GIMAP6: variants seen among roughly 807,000 people sequenced by gnomAD.
GIMAP6 encodes the protein GTPase, IMAP family member 6.
GIMAP6 carries 6 observed loss-of-function variants against 9.3 expected under a neutral mutation model. The observed-to-expected ratio is 0.65, with a 90% CI of 0.35 to 1.27. The LOEUF (loss-of-function observed/expected upper bound fraction) is 1.27, where lower values mean the gene tolerates loss of function less well. Among genes scored for constraint, GIMAP6 ranks in the 50% most tolerant of loss-of-function variants. The pLI is 0.03. For synonymous variants in GIMAP6, 156 were observed against 151.1 expected (o/e 1.03, Z -0.24); for missense variants, 333 against 359.5 (o/e 0.93, Z 0.60).
intron 1 of GIMAP6, 102 bp downstream of exon 1, chr7:150,632,063 TCACA>T (rs1313956906): frequency 1.3e-5 from 2 of 151,352 alleles, no homozygotes; most frequent in East Asian, 1.9e-4. Flanking sequence ...CAAACATCAC[TCACA>T]CACATTCATG....
Position 150,628,260 on chromosome 7 carries a change from C to T in GIMAP6, c.338G>A (p.Cys113Tyr), listed in dbSNP as rs1476113538. 1.2e-6 allele frequency: 2 copies of T among 1,614,094 alleles called. No homozygotes were observed. Among genetic ancestry groups the T allele is most frequent in the South Asian group, 2.2e-5 (2 of 91,064 alleles). ...QVSPEVADAICQAIVLSAPGP... is the reference protein window; with the variant it reads ...QVSPEVADAIYQAIVLSAPGP... ...TGGGGCGGATAAGACGATGGCTTGG[C>T]AGATAGCGTCTGCCACCTCTGGCGA... Residue 113 changes from cysteine (C) to tyrosine (Y), a missense_variant, in exon 3 of 3, where the codon TGC (cysteine) becomes TAC (tyrosine). Coordinates refer to ENST00000328902, the MANE Select transcript of GIMAP6 (RefSeq NM_024711.6).
At position 150,626,523 on chromosome 7, in the gene GIMAP6, T is replaced by G. The variant is rs1280872243; in HGVS notation, c.*1196A>C. The G allele has an allele frequency of 6.6e-6, 1 of 152,174 alleles. No homozygotes were observed. Among genetic ancestry groups the G allele is most frequent in the Non-Finnish European group, 1.5e-5 (1 of 68,028 alleles). The allele number at this position is 152,174 out of a possible 1,614,324, so 9.4% of individuals were successfully genotyped here. ...TGAGACAGGATGACATCCTACTCCC[T>G]TCTCATCCTGTCCAGTATCAGTACT... is the stretch of plus-strand genomic sequence containing the variant. On this transcript the variant is annotated 3_prime_UTR_variant, in exon 3 of 3. Coordinates refer to ENST00000328902, the MANE Select transcript of GIMAP6 (RefSeq NM_024711.6).
chr7:150,631,428 A>T (rs1796390097), intron 1 of GIMAP6, among the ~76,000 whole-genome samples: 1 of 152,190 alleles, frequency 6.6e-6, no homozygotes, highest in Admixed American at 6.5e-5. Context: ...TACCAAAGGG[A>T]GTTAGTTCTT....
In GIMAP6 at chr7:150,625,421, G is replaced by C. The variant is rs1796276783; in HGVS notation, c.*2298C>G. 1 of 152,206 alleles carries C rather than the reference G, an allele frequency of 6.6e-6. No homozygotes were observed. Among genetic ancestry groups the C allele is most frequent in the South Asian group, 2.1e-4 (1 of 4,826 alleles). 9.4% of individuals were successfully genotyped at this position (152,206 alleles called of 1,614,324 possible). On this transcript the variant is annotated 3_prime_UTR_variant, in exon 3 of 3. Transcript: ENST00000328902. ...ATTTAATGAATGACATGTTTTGAGT[G>C]CCTTGCCAGTTAGTCGCTGAATGGA...
Position 150,628,039 on chromosome 7 carries a change from A to C in GIMAP6, c.559T>G (p.Trp187Gly). 1 of 1,614,210 alleles carries C rather than the reference A, an allele frequency of 6.2e-7. No homozygotes were observed. Among genetic ancestry groups the C allele is most frequent in the Non-Finnish European group, 8.5e-7 (1 of 1,180,028 alleles). ...CGCCGTGCAAGGGTCACATCCAGCC[A>C]GGCAAGGGCCTGGTTGTTGGTCTCT... ...VRETNNQALAWLDVTLARRHC... is the reference protein window; with the variant it reads ...VRETNNQALAGLDVTLARRHC... The change falls in exon 3 of 3, where the codon TGG (tryptophan) becomes GGG (glycine). Residue 187 changes from tryptophan to glycine, a missense_variant. Transcript: ENST00000328902.
At position 150,627,160 on chromosome 7, in the gene GIMAP6, C is replaced by G. The variant is rs920748058; in HGVS notation, c.*559G>C. The G allele has an allele frequency of 2.5e-5, 4 of 160,880 alleles. No individual in the cohort carries two copies. Among genetic ancestry groups the G allele is most frequent in the African/African-American group, 9.6e-5 (4 of 41,538 alleles). 10.0% of individuals were successfully genotyped at this position (160,880 alleles called of 1,614,324 possible). A position where few individuals can be genotyped will look rare whatever the true frequency, so the allele number is the denominator to read the frequency against. On this transcript the variant is annotated 3_prime_UTR_variant, in exon 3 of 3. Coordinates refer to ENST00000328902, the MANE Select transcript of GIMAP6 (RefSeq NM_024711.6). ...ATCCCTGTTCCTGCTTGCTCTCCTC[C>G]CAGCCCAGTCTCCAACCCTCCCCAC...
Position 150,625,860 on chromosome 7 carries a change from C to T in GIMAP6, c.*1859G>A, listed in dbSNP as rs1344681730. 2.0e-5 allele frequency: 3 copies of T among 152,110 alleles called. No homozygotes were observed. The highest frequency in any genetic ancestry group is 2.9e-5 in the Non-Finnish European group (2 of 68,018). 9.4% of individuals were successfully genotyped at this position (152,110 alleles called of 1,614,324 possible). On this transcript the variant is annotated 3_prime_UTR_variant, in exon 3 of 3. Coordinates refer to ENST00000328902, the MANE Select transcript of GIMAP6 (RefSeq NM_024711.6). ...TAATCAAATCAATATTTTATTCATACAGGAGTAGAAAAGTAGAAGACATGA... is the reference window on the plus strand; with the variant it reads ...TAATCAAATCAATATTTTATTCATATAGGAGTAGAAAAGTAGAAGACATGA...
In GIMAP6 at chr7:150,627,762, G is replaced by T; in HGVS notation, c.836C>A (p.Ser279Tyr). 6.2e-7 allele frequency: 1 copy of T among 1,614,130 alleles called. No individual in the cohort carries two copies. Among genetic ancestry groups the T allele is most frequent in the Non-Finnish European group, 8.5e-7 (1 of 1,179,982 alleles). ...LEGLSQIQKE[S>Y]EEAHRCLLGK... ...CAGCAGGCATCTGTGGGCTTCCTCA[G>T]ATTCCTTCTGGATCTGGGACAGTCC... The change falls in exon 3 of 3, where the codon TCT (serine) becomes TAT (tyrosine). Residue 279 changes from serine to tyrosine, a missense_variant. By Grantham distance (144) the Ser-to-Tyr change is moderately radical. Coordinates refer to ENST00000328902, the MANE Select transcript of GIMAP6 (RefSeq NM_024711.6).
In GIMAP6 at chr7:150,628,480, TC is replaced by T; in HGVS notation, c.117del (p.Arg40AspfsTer2). On this transcript the variant is annotated frameshift_variant, in exon 3 of 3. Coordinates refer to ENST00000328902, the MANE Select transcript of GIMAP6 (RefSeq NM_024711.6). LOFTEE classifies it high-confidence loss of function. ...GLREKEQKTP[R>X]RLRLILMGKT... ...TTCCCCATGAGAATGAGCCTCAGTC[TC>T]CTTGGGGTCTTCTGTTCTTTCTCCC... 6.2e-7 allele frequency: 1 copy of T among 1,614,100 alleles called. No homozygotes were observed. Among genetic ancestry groups the T allele is most frequent in the Non-Finnish European group, 8.5e-7 (1 of 1,180,022 alleles).
Position 150,627,998 on chromosome 7 carries a change from G to A in GIMAP6, c.600C>T (p.Asn200=), listed in dbSNP as rs367896303. The A allele has an allele frequency of 1.1e-5, 17 of 1,614,268 alleles. No homozygotes were observed. In the East Asian group the frequency reaches 3.3e-4, roughly 32 times the overall value. The change falls in exon 3 of 3, where the codon AAC becomes AAT. Residue 200 remains asparagine, a synonymous_variant. Transcript: ENST00000328902. ...CCTGCTCCTCCCCCTGTGCCCTGTT[G>A]TTGAAGCCGCAATGGCGCCGTGCAA... ...VTLARRHCGF[N]NRAQGEEQEA... is the part of the protein sequence containing the mutation.
chr7:150,629,835 C>T (rs3735083), intron 2 of GIMAP6, among the ~76,000 whole-genome samples: 3,862 of 152,190 alleles, frequency 0.025, 141 homozygotes, highest in African/African-American at 0.081. Context: ...TGCTATTTCT[C>T]GCCTCCTTTT....
intron 2 of GIMAP6, 98 bp downstream of exon 2, chr7:150,629,960 A>T: frequency 1.2e-6 from 1 of 804,358 alleles, no homozygotes; most frequent in Non-Finnish European, 2.0e-6. Context: ...TGACTGGGGG[A>T]CGTCAGCTTC....
At position 150,626,129 on chromosome 7, in the gene GIMAP6, G is replaced by C. The variant is rs755752040; in HGVS notation, c.*1590C>G. On this transcript the variant is annotated 3_prime_UTR_variant, in exon 3 of 3. Coordinates refer to ENST00000328902, the MANE Select transcript of GIMAP6 (RefSeq NM_024711.6). ...TCTGCTGTGTCTAGGGAAGATGGGG[G>C]ATGGCTTCAGAGCAAGAGGCCACAG... The C allele has an allele frequency of 6.6e-6, 1 of 152,260 alleles. No individual in the cohort carries two copies. The highest frequency in any genetic ancestry group is 2.4e-5 in the African/African-American group (1 of 41,464). 9.4% of individuals were successfully genotyped at this position (152,260 alleles called of 1,614,324 possible).
chr7:150,631,203 A>C (rs1157748775), intron 1 of GIMAP6, among the ~76,000 whole-genome samples: 1 of 152,138 alleles, frequency 6.6e-6, no homozygotes, highest in Non-Finnish European at 1.5e-5. Flanking sequence ...TATTCTGTTC[A>C]CCTGGCAAAC....
chr7:150,629,722 A>G (rs2116785047), intron 2 of GIMAP6, among the ~76,000 whole-genome samples: 1 of 152,292 alleles, frequency 6.6e-6, no homozygotes, highest in African/African-American at 2.4e-5. Flanking sequence ...GTCCAAGGCC[A>G]CTTATTTTCG....
chr7:150,627,716 G>T lies in GIMAP6; in HGVS notation c.*3C>A. The T allele has an allele frequency of 6.2e-7, 1 of 1,612,840 alleles. No individual in the cohort carries two copies. The highest frequency in any genetic ancestry group is 8.5e-7 in the Non-Finnish European group (1 of 1,179,288). On this transcript the variant is annotated 3_prime_UTR_variant, in exon 3 of 3. Coordinates refer to ENST00000328902, the MANE Select transcript of GIMAP6 (RefSeq NM_024711.6). ...GTGTCCTTGGCTCAAGTCCAGCACAGGCTCAAAGGTCAGCCTTCCCCAGCA... is the reference window on the plus strand; with the variant it reads ...GTGTCCTTGGCTCAAGTCCAGCACATGCTCAAAGGTCAGCCTTCCCCAGCA...
chr7:150,627,884 A>G lies in GIMAP6; in HGVS notation c.714T>C (p.Tyr238=). Residue 238 remains tyrosine (Y), a synonymous_variant, in exon 3 of 3, where the codon TAT becomes TAC. Coordinates refer to ENST00000328902, the MANE Select transcript of GIMAP6 (RefSeq NM_024711.6). ...GDYYSNKAYQ[Y]TQQNFRLKEL... is the part of the protein sequence containing the mutation. ...CTTTCAGCCGAAAGTTTTGCTGGGT[A>G]TATTGGTAAGCCTTGTTGCTGTAAT... 6.2e-7 allele frequency: 1 copy of G among 1,614,216 alleles called. No homozygotes were observed. Among genetic ancestry groups the G allele is most frequent in the Non-Finnish European group, 8.5e-7 (1 of 1,180,034 alleles).
chr7:150,631,230 G>A (rs1310931861), intron 1 of GIMAP6, among the ~76,000 whole-genome samples: 1 of 152,206 alleles, frequency 6.6e-6, no homozygotes, highest in Non-Finnish European at 1.5e-5. Flanking sequence ...GTCCTCCCCA[G>A]ATCCCAGAAG....
intron 2 of GIMAP6, chr7:150,628,810 G>A (rs925532494): frequency 3.8e-5 from 50 of 1,314,182 alleles, no homozygotes; most frequent in Admixed American, 6.1e-5. Context: ...AAGGCAGGAA[G>A]GGAATTCCCT....
Sources: allele counts gnomAD v4.1 joint callset (sites outside exome capture counted in the v4.1 genomes callset), GRCh38; gene constraint gnomAD v4.1.1; transcripts MANE v1.5; gene names NCBI Gene and HGNC (gene_info 2026-07-23, HGNC 2026-07-21).